RASA3: variants seen among roughly 807,000 people sequenced by gnomAD.
RASA3 encodes ras GTPase-activating protein 3.
In RASA3, 73 loss-of-function variants were observed where a neutral mutation model predicts 110.0. The observed-to-expected ratio is 0.66, with a 90% CI of 0.55 to 0.81. The LOEUF (loss-of-function observed/expected upper bound fraction) is 0.81. Among genes scored for constraint, RASA3 ranks in the 30% least tolerant of loss-of-function variants. The pLI, the probability that RASA3 is intolerant of heterozygous loss-of-function variation, is 0.00. For missense variants in RASA3, 976 were observed against 1,113.2 expected, an observed-to-expected ratio of 0.88 and a Z score of 1.75; for synonymous variants, 500 against 451.4, an observed-to-expected ratio of 1.11 and a Z score of -1.37.
Position 114,120,592 on chromosome 13 carries a change from A to G in RASA3, c.55+11843T>C, listed in dbSNP as rs4332639. Among the ~76,000 whole-genome samples the G allele has an allele frequency of 2.7e-3, 181 of 67,534 alleles. 10 individuals carry two copies. Among genetic ancestry groups the G allele is most frequent in the Middle Eastern group, 0.024 (2 of 84 alleles). 44.3% of individuals were successfully genotyped at this position (67,534 alleles called of 152,430 possible). A position where few individuals can be genotyped will look rare whatever the true frequency, so the allele number is the denominator to read the frequency against. ...GGCCCTCCCTCCTCTCTCCAGCCAG[A>G]CGTCGGTCAGGGCCCCTCCCTCTCT... On this transcript the variant is annotated intron_variant, in intron 1 of 23. Coordinates refer to ENST00000334062, the MANE Select transcript of RASA3 (RefSeq NM_007368.4).
chr13:114,012,273 T>G (rs1301393037), intron 15 of RASA3, among the ~76,000 whole-genome samples: 1 of 151,874 alleles, frequency 6.6e-6, no homozygotes, highest in East Asian at 1.9e-4. Context: ...GTGAACCACC[T>G]GCAACGAGGA....
chr13:114,051,536 C>G (rs2079146652), intron 3 of RASA3, among the ~76,000 whole-genome samples: 1 of 152,208 alleles, frequency 6.6e-6, no homozygotes, highest in Admixed American at 6.5e-5. Context: ...TGAGCTTTCT[C>G]CAAGAGCAGC....
At chr13:114,060,424 G>A (rs999431943) in intron 2 of RASA3, among the ~76,000 whole-genome samples, 2 of 152,240 alleles carry the variant, frequency 1.3e-5, no homozygotes, top group Admixed American at 6.5e-5. Flanking sequence ...AGTGGACCAG[G>A]AAGGGAAGGT....
At chr13:114,037,478 G>A (rs555218879) in intron 4 of RASA3, among the ~76,000 whole-genome samples, 26 of 152,278 alleles carry the variant, frequency 1.7e-4, no homozygotes, top group Non-Finnish European at 3.4e-4. Context: ...AGTGCCATGG[G>A]GCTGCCGGTG....
At chr13:114,030,510 TCACACAGAGAGC>T (rs2054139619) in intron 4 of RASA3, among the ~76,000 whole-genome samples, 1 of 111,958 alleles carries the variant, frequency 8.9e-6, no homozygotes, top group African/African-American at 3.2e-5. Flanking sequence ...AGGGCAAGAC[TCACACAGAGAGC>T]AAGACTCACA....
rs139461276 is a variant in RASA3 at position 114,125,799 on chromosome 13, G to A, written c.55+6636C>T. On this transcript the variant is annotated intron_variant, in intron 1 of 23. Transcript: ENST00000334062. ...AACACAGACCCCTGCTCTGACCCGC[G>A]GCTGCGTAAGACGAGACGCGCTCAG... 2.2e-4 allele frequency among the ~76,000 whole-genome samples: 34 copies of A among 152,240 alleles called. No individual in the cohort carries two copies. The East Asian group carries it at 5.0e-3, about 22-fold the overall frequency.
intron 16 of RASA3, 61 bp from the exon 17 acceptor site, chr13:114,009,525 C>A: frequency 1.8e-6 from 2 of 1,124,038 alleles, no homozygotes; most frequent in Non-Finnish European, 2.7e-6. Flanking sequence ...CGGCCCAAAT[C>A]TGAAAAAGCT....
In RASA3 at chr13:114,132,531, C is replaced by A; in HGVS notation, c.-42G>T. 1 of 1,442,632 alleles carries A rather than the reference C, an allele frequency of 6.9e-7. No individual in the cohort carries two copies. The highest frequency in any genetic ancestry group is 1.5e-5 in the African/African-American group (1 of 68,292). 89.4% of individuals were successfully genotyped at this position (1,442,632 alleles called of 1,614,324 possible). A position where few individuals can be genotyped will look rare whatever the true frequency, so the allele number is the denominator to read the frequency against. ...CGCCGAGCCTCGCCCCAAGCGCGCG[C>A]CGAGCCCGGGCAGCTCAGGCCGAGC... On this transcript the variant is annotated 5_prime_UTR_variant, in exon 1 of 24. Transcript: ENST00000334062.
At chr13:114,058,202 C>A (rs1353884649) in intron 2 of RASA3, among the ~76,000 whole-genome samples, 1 of 152,000 alleles carries the variant, frequency 6.6e-6, no homozygotes, top group Admixed American at 6.5e-5. Context: ...AGAGTGACAT[C>A]CCCCCAAGAC....
intron 4 of RASA3, among the ~76,000 whole-genome samples, chr13:114,031,641 G>A (rs1200811535): frequency 6.6e-6 from 1 of 152,204 alleles, no homozygotes; most frequent in African/African-American, 2.4e-5. Flanking sequence ...ACCTGTGTGT[G>A]TGTGCGGCTA....
rs750531760 is a variant in RASA3 at position 114,057,015 on chromosome 13, TC to T, written c.174-4861del. 4.0e-5 allele frequency among the ~76,000 whole-genome samples: 6 copies of T among 151,738 alleles called. No individual in the cohort carries two copies. The highest frequency in any genetic ancestry group is 7.4e-5 in the Non-Finnish European group (5 of 67,930). On this transcript the variant is annotated intron_variant, in intron 2 of 23. Coordinates refer to ENST00000334062, the MANE Select transcript of RASA3 (RefSeq NM_007368.4). The surrounding 1 kb of genome is among the most constrained non-coding windows in gnomAD (Gnocchi z 5.0). ...AGCTGTTGTCCTTGGGAACCACGGG[TC>T]CCCCCTCCTGAAGAAGGGGAACGTC...
At chr13:114,089,827 C>T (rs1468347337) in intron 1 of RASA3, among the ~76,000 whole-genome samples, 8 of 151,468 alleles carry the variant, frequency 5.3e-5, no homozygotes, top group Middle Eastern at 3.4e-3. Flanking sequence ...CCCCAGCCCC[C>T]GGCAACCACG....
chr13:114,087,999 C>T (rs947083502), intron 1 of RASA3, among the ~76,000 whole-genome samples: 5 of 152,242 alleles, frequency 3.3e-5, no homozygotes, highest in South Asian at 2.1e-4. Context: ...GGCGTGGTGG[C>T]GCACGCCTGT....
intron 2 of RASA3, among the ~76,000 whole-genome samples, chr13:114,060,521 T>A (rs1424021772): frequency 6.6e-6 from 1 of 152,198 alleles, no homozygotes; most frequent in Non-Finnish European, 1.5e-5. Flanking sequence ...ATCCTGGTTG[T>A]CCTCATGGGG....
At chr13:114,055,825 C>T (rs1348204775) in intron 2 of RASA3, among the ~76,000 whole-genome samples, 3 of 152,214 alleles carry the variant, frequency 2.0e-5, no homozygotes, top group African/African-American at 7.2e-5. Context: ...GTCCTGGCTG[C>T]GGTGCATCTC....
Position 114,014,211 on chromosome 13 carries a change from G to T in RASA3, c.1406-963C>A, listed in dbSNP as rs557981441. On this transcript the variant is annotated intron_variant, in intron 14 of 23. Transcript: ENST00000334062. This position sits in a 1 kb window ranked among gnomAD's most constrained non-coding sequence, Gnocchi z 4.5. ...CCATCTCTCATCACCACCACACAGC[G>T]CAGCCCCTTTGGTGTCTCATTCCAC... 6.6e-6 allele frequency among the ~76,000 whole-genome samples: 1 copy of T among 152,138 alleles called. No homozygotes were observed. Among genetic ancestry groups the T allele is most frequent in the Non-Finnish European group, 1.5e-5 (1 of 67,992 alleles).
At chr13:114,032,082 A>T (rs2139404028) in intron 4 of RASA3, among the ~76,000 whole-genome samples, 1 of 152,348 alleles carries the variant, frequency 6.6e-6, no homozygotes, top group South Asian at 2.1e-4. Context: ...AAAATTAGTC[A>T]GGAGATATTT....
chr13:114,027,534 G>T, intron 6 of RASA3, 73 bp from the exon 7 acceptor site: 2 of 1,124,762 alleles, frequency 1.8e-6, no homozygotes, highest in Non-Finnish European at 2.7e-6. Context: ...GTAAAACCGA[G>T]CTCTCAAATG....
At chr13:114,015,907 CG>C (rs963968318) in intron 13 of RASA3, among the ~76,000 whole-genome samples, 4 of 151,684 alleles carry the variant, frequency 2.6e-5, no homozygotes, top group South Asian at 4.2e-4. Context: ...GCAGACCCTC[CG>C]GGGGGGCAGA....
Sources: gnomAD v4.1 joint callset for allele counts (sites outside exome capture counted in the v4.1 genomes callset) on GRCh38, gnomAD v4.1.1 for gene constraint, Gnocchi (gnomAD v3.1) non-coding constraint, MANE v1.5 for transcripts, NCBI Gene and HGNC (gene_info 2026-07-23, HGNC 2026-07-21) for gene names.